Variants in IGFBP4 observed in about 807,000 individuals in gnomAD.
IGFBP4 encodes insulin-like growth factor-binding protein 4.
A neutral mutation model predicts 25.8 loss-of-function variants in IGFBP4; 9 were observed. The observed-to-expected ratio is 0.35, with a 90% CI of 0.21 to 0.61. The LOEUF (loss-of-function observed/expected upper bound fraction) is 0.61. IGFBP4 is among the 20% of genes least tolerant of loss of function. The pLI, the probability that IGFBP4 is intolerant of heterozygous loss-of-function variation, is 0.77. For missense variants in IGFBP4, 315 were observed against 365.3 expected, an observed-to-expected ratio of 0.86 and a Z score of 1.12; for synonymous variants, 153 against 153.9, an observed-to-expected ratio of 0.99 and a Z score of 0.05.
chr17:40,446,309 G>A (rs1353484421), intron 1 of IGFBP4, among the ~76,000 whole-genome samples: 2 of 29,752 alleles, frequency 6.7e-5, no homozygotes, highest in African/African-American at 1.3e-4. Flanking sequence ...ACTCTATTTC[G>A]TAAAAAAAAA....
At chr17:40,455,088 C>A (rs1269811489) in intron 3 of IGFBP4, among the ~76,000 whole-genome samples, 1 of 152,054 alleles carries the variant, frequency 6.6e-6, no homozygotes, top group Admixed American at 6.5e-5. Context: ...ATTTAAAAAA[C>A]TTTTTCTCTT....
At position 40,456,766 on chromosome 17, in the gene IGFBP4, T is replaced by C. The variant is rs1454130232; in HGVS notation, c.*183T>C. Reference sequence around the variant, plus strand: ...GTGTGTGTGTGTTTGTGAGCATGGGTGTGCCCTTGGGGTAAGCCAGAGCCT... The same window carrying C: ...GTGTGTGTGTGTTTGTGAGCATGGGCGTGCCCTTGGGGTAAGCCAGAGCCT... On this transcript the variant is annotated 3_prime_UTR_variant, in exon 4 of 4. Coordinates refer to ENST00000269593, the MANE Select transcript of IGFBP4 (RefSeq NM_001552.3). 5 of 615,950 alleles carry C rather than the reference T, an allele frequency of 8.1e-6. No individual in the cohort carries two copies. The allele number at this position is 615,950 out of a possible 1,614,324, so 38.2% of individuals were successfully genotyped here. A position where few individuals can be genotyped will look rare whatever the true frequency, so the allele number is the denominator to read the frequency against.
intron 1 of IGFBP4, among the ~76,000 whole-genome samples, chr17:40,444,842 C>T (rs1334212999): frequency 6.8e-6 from 1 of 146,568 alleles, no homozygotes; most frequent in Non-Finnish European, 1.5e-5. Flanking sequence ...GGGGCCAGGG[C>T]GCCAGGGGAG....
intron 1 of IGFBP4, among the ~76,000 whole-genome samples, chr17:40,445,425 G>A (rs138590876): frequency 2.6e-5 from 4 of 152,264 alleles, no homozygotes; most frequent in African/African-American, 9.6e-5. Flanking sequence ...GTTGCAGTCC[G>A]GATGCTGGGA....
At position 40,443,845 on chromosome 17, in the gene IGFBP4, G is replaced by C. The variant is rs988133109; in HGVS notation, c.110G>C (p.Arg37Pro). 1.3e-6 allele frequency: 2 copies of C among 1,532,288 alleles called. No individual in the cohort carries two copies. Among genetic ancestry groups the C allele is most frequent in the African/African-American group, 2.8e-5 (2 of 72,426 alleles). The allele number at this position is 1,532,288 out of a possible 1,614,324, so 94.9% of individuals were successfully genotyped here. A position where few individuals can be genotyped will look rare whatever the true frequency, so the allele number is the denominator to read the frequency against. The stretch of plus-strand genomic sequence containing the variant: ...CCCTGCTCCGAGGAGAAGCTGGCGC[G>C]CTGCCGCCCCCCCGTGGGCTGCGAG... ...CPPCSEEKLA[R>P]CRPPVGCEEL... Residue 37 changes from arginine (R) to proline (P), a missense_variant, in exon 1 of 4, where the codon CGC becomes CCC. By Grantham distance (103) the Arg-to-Pro change is moderately radical. Coordinates refer to ENST00000269593, the MANE Select transcript of IGFBP4 (RefSeq NM_001552.3).
chr17:40,446,113 C>T (rs2035643413), intron 1 of IGFBP4, among the ~76,000 whole-genome samples: 1 of 142,278 alleles, frequency 7.0e-6, no homozygotes. Flanking sequence ...GGGAGGATTG[C>T]TTGAGGCCAG....
intron 1 of IGFBP4, among the ~76,000 whole-genome samples, chr17:40,452,087 C>T (rs1219104503): frequency 6.6e-6 from 1 of 152,180 alleles, no homozygotes; most frequent in Admixed American, 6.5e-5. Context: ...ATCTTCCCTC[C>T]TCAGCCTCCC....
intron 3 of IGFBP4, 121 bp downstream of exon 3, chr17:40,454,183 C>T (rs1243989321): frequency 1.5e-6 from 2 of 1,375,940 alleles, no homozygotes; most frequent in Non-Finnish European, 1.9e-6. Flanking sequence ...CCCAACCCAA[C>T]CCCTTGGAGC....
At chr17:40,444,914 CACACACACACACAGAGACAGAGAGAG>C (rs1567799527) in intron 1 of IGFBP4, among the ~76,000 whole-genome samples, 14 of 87,976 alleles carry the variant, frequency 1.6e-4, no homozygotes, top group African/African-American at 5.4e-4. Context: ...CACACACACA[CACACACACACACAGAGACAGAGAGAG>C]AGAGAGAGAG....
intron 1 of IGFBP4, among the ~76,000 whole-genome samples, chr17:40,445,327 C>T (rs1418780591): frequency 6.6e-6 from 1 of 152,228 alleles, no homozygotes; most frequent in Non-Finnish European, 1.5e-5. Context: ...ATCTATGCCT[C>T]TGTTTCTCAT....
At chr17:40,448,477 T>C (rs1314380726) in intron 1 of IGFBP4, among the ~76,000 whole-genome samples, 3 of 152,194 alleles carry the variant, frequency 2.0e-5, no homozygotes, top group Non-Finnish European at 4.4e-5. Flanking sequence ...CCAAACAAGC[T>C]TTTTGGAGGT....
chr17:40,446,310 TAAAAAA>T (rs34843649), intron 1 of IGFBP4, among the ~76,000 whole-genome samples: 2 of 134,022 alleles, frequency 1.5e-5, no homozygotes, highest in Non-Finnish European at 3.2e-5. Flanking sequence ...CTCTATTTCG[TAAAAAA>T]AAAAAAAAAA....
Position 40,443,776 on chromosome 17 carries a change from C to G in IGFBP4, c.41C>G (p.Ala14Gly), listed in dbSNP as rs1230010745. ...LCLVAALLLAAGPGPSLGDEA... is the reference protein window; with the variant it reads ...LCLVAALLLAGGPGPSLGDEA... ...CTCGTGGCCGCCCTGCTGCTGGCCG[C>G]CGGGCCCGGGCCGAGCCTGGGCGAC... is the stretch of plus-strand genomic sequence containing the variant. Residue 14 changes from alanine (A) to glycine (G), a missense_variant, in exon 1 of 4, where the codon GCC becomes GGC. Physicochemically the swap from Ala to Gly is moderately conservative, Grantham distance 60. Transcript: ENST00000269593. 9 of 1,506,914 alleles carry G rather than the reference C, an allele frequency of 6.0e-6. No individual in the cohort carries two copies. The highest frequency in any genetic ancestry group is 7.9e-6 in the Non-Finnish European group (9 of 1,136,350). 93.3% of individuals were successfully genotyped at this position (1,506,914 alleles called of 1,614,324 possible).
intron 3 of IGFBP4, among the ~76,000 whole-genome samples, chr17:40,455,056 C>T (rs2035706680): frequency 6.6e-6 from 1 of 152,142 alleles, no homozygotes; most frequent in East Asian, 1.9e-4. Context: ...TTTATCCTAA[C>T]ACGAATTTTA....
Position 40,456,998 on chromosome 17 carries a change from C to G in IGFBP4, c.*415C>G, listed in dbSNP as rs11555390. On this transcript the variant is annotated 3_prime_UTR_variant, in exon 4 of 4. Coordinates refer to ENST00000269593, the MANE Select transcript of IGFBP4 (RefSeq NM_001552.3). ...GCCTTGGGAGGTTTTATTCTGACTT[C>G]CTCTGATTTTGGCATGTGGAGACAC... 797 of 175,640 alleles carry G rather than the reference C, an allele frequency of 4.5e-3. 3 individuals carry two copies. The highest frequency in any genetic ancestry group is 7.2e-3 in the Non-Finnish European group (596 of 83,262). 10.9% of individuals were successfully genotyped at this position (175,640 alleles called of 1,614,324 possible).
intron 1 of IGFBP4, among the ~76,000 whole-genome samples, chr17:40,444,985 A>AGAGT (rs2035636462): frequency 1.5e-5 from 2 of 129,372 alleles, no homozygotes; most frequent in Non-Finnish European, 3.2e-5. Flanking sequence ...AGAGAGAGAG[A>AGAGT]CTCTGAGAAG....
At position 40,457,555 on chromosome 17, in the gene IGFBP4, C is replaced by G. The variant is rs979688422; in HGVS notation, c.*972C>G. On this transcript the variant is annotated 3_prime_UTR_variant, in exon 4 of 4. Transcript: ENST00000269593. ...TGGCTCGCTCCCTGTAGCTCTGCCTCCCTCTCCATATCTCCTTCCCCTACA... is the reference window on the plus strand; with the variant it reads ...TGGCTCGCTCCCTGTAGCTCTGCCTGCCTCTCCATATCTCCTTCCCCTACA... 1 of 152,134 alleles carries G rather than the reference C, an allele frequency of 6.6e-6. No individual in the cohort carries two copies. Among genetic ancestry groups the G allele is most frequent in the African/African-American group, 2.4e-5 (1 of 41,374 alleles). The allele number at this position is 152,134 out of a possible 1,614,324, so 9.4% of individuals were successfully genotyped here.
intron 3 of IGFBP4, among the ~76,000 whole-genome samples, chr17:40,455,322 C>A (rs142549187): frequency 4.6e-4 from 69 of 151,568 alleles, no homozygotes; most frequent in Non-Finnish European, 7.2e-4. Flanking sequence ...TATGCATTTT[C>A]TTCTCCTGAT....
chr17:40,456,367 G>C, intron 3 of IGFBP4, 82 bp from the exon 4 acceptor site: 1 of 1,483,568 alleles, frequency 6.7e-7, no homozygotes, highest in Admixed American at 1.8e-5. Context: ...CTTGGGGGCT[G>C]GGCTGGGCTG....
Sources: allele counts gnomAD v4.1 joint callset (sites outside exome capture counted in the v4.1 genomes callset), GRCh38; gene constraint gnomAD v4.1.1; transcripts MANE v1.5; gene names NCBI Gene and HGNC (gene_info 2026-07-23, HGNC 2026-07-21).